The following EYS variants were observed in gnomAD, a reference collection of about 807,000 sequenced individuals.
The protein encoded by EYS is protein eyes shut homolog.
EYS carries 250 observed loss-of-function variants against 282.1 expected under a neutral mutation model. The observed-to-expected ratio is 0.89, with a 90% CI of 0.80 to 0.98. The LOEUF is 0.98. Ranked by LOEUF, EYS falls within the 50% of genes least tolerant of loss-of-function variation. The probability of loss-of-function intolerance (pLI) is 0.00; values close to 1 mark genes in which losing one functional copy is unlikely to be tolerated. For missense variants in EYS, 4,016 were observed against 3,709.0 expected (o/e 1.08, Z -2.15); for synonymous variants, 1,355 against 1,282.9 (o/e 1.06, Z -1.20).
intron 22 of EYS, among the ~76,000 whole-genome samples, chr6:64,683,576 G>A (rs1235724288): frequency 6.6e-6 from 1 of 152,114 alleles, no homozygotes; most frequent in Non-Finnish European, 1.5e-5. Context: ...GAGAGAACAA[G>A]TTTGAAAATA....
rs920207792 is a variant in EYS, at chr6:64,373,193, T to C, written c.6078+15497A>G. Among the ~76,000 whole-genome samples, 7 of 152,350 alleles carry C rather than the reference T, an allele frequency of 4.6e-5. No homozygotes were observed. The East Asian group carries it at 1.2e-3, about 25-fold the overall frequency. On this transcript the variant is annotated intron_variant, in intron 29 of 42. Transcript: ENST00000503581. ...GTTTTTTCCTTATTTGTGGGGATTATGTTCTTTCAATCTTTGAAGTTGCTG... is the reference window on the plus strand; with the variant it reads ...GTTTTTTCCTTATTTGTGGGGATTACGTTCTTTCAATCTTTGAAGTTGCTG...
chr6:63,728,196 G>T (rs1768690502), intron 41 of EYS, among the ~76,000 whole-genome samples: 2 of 151,812 alleles, frequency 1.3e-5, no homozygotes, highest in Admixed American at 6.6e-5. Flanking sequence ...TTAATCCCAA[G>T]AATTACTGTT....
intron 7 of EYS, among the ~76,000 whole-genome samples, chr6:65,386,499 C>A (rs1330194300): frequency 6.6e-6 from 1 of 151,846 alleles, no homozygotes; most frequent in African/African-American, 2.4e-5. Flanking sequence ...ATCTAAGAAG[C>A]ACTTCCAAGT....
intron 35 of EYS, among the ~76,000 whole-genome samples, chr6:63,916,876 T>TGAA (rs1764436419): frequency 1.3e-5 from 2 of 152,308 alleles, no homozygotes; most frequent in South Asian, 4.1e-4. Flanking sequence ...AAACATGCAG[T>TGAA]GACAGTAAAG....
At chr6:65,520,989 G>A (rs962802413) in intron 2 of EYS, among the ~76,000 whole-genome samples, 1 of 152,080 alleles carries the variant, frequency 6.6e-6, no homozygotes, top group African/African-American at 2.4e-5. Flanking sequence ...TATGACTGCT[G>A]ATGGACTAGG....
chr6:64,545,474 C>A (rs1156577200), intron 26 of EYS, among the ~76,000 whole-genome samples: 1 of 152,114 alleles, frequency 6.6e-6, no homozygotes, highest in Non-Finnish European at 1.5e-5. Context: ...ACAGGGATGC[C>A]CTCTCTAACC....
At chr6:64,391,346 A>C (rs1331252435) in intron 28 of EYS, among the ~76,000 whole-genome samples, 1 of 152,158 alleles carries the variant, frequency 6.6e-6, no homozygotes. Flanking sequence ...AGTTGAAATA[A>C]AGGAAAAAAT....
At chr6:63,788,344 G>A in intron 38 of EYS, 95 bp from the exon 39 acceptor site, 2 of 1,038,968 alleles carry the variant, frequency 1.9e-6, no homozygotes, top group Non-Finnish European at 2.8e-6. Flanking sequence ...AACTTGGCAT[G>A]AAAAATTTAC....
chr6:64,445,903 T>G (rs776876202), intron 26 of EYS, among the ~76,000 whole-genome samples: 6 of 152,110 alleles, frequency 3.9e-5, no homozygotes, highest in Non-Finnish European at 5.9e-5. Flanking sequence ...TGGGCAAAAC[T>G]GGTATTCTGT....
chr6:64,808,845 G>A (rs1764512522), intron 22 of EYS, among the ~76,000 whole-genome samples: 1 of 152,014 alleles, frequency 6.6e-6, no homozygotes, highest in East Asian at 1.9e-4. Context: ...ATGTTTTCAT[G>A]AGAAAAATCA....
chr6:65,313,305 C>A (rs1387237240), intron 11 of EYS, among the ~76,000 whole-genome samples: 1 of 151,618 alleles, frequency 6.6e-6, no homozygotes, highest in Non-Finnish European at 1.5e-5. Flanking sequence ...TAGTTTATAT[C>A]TGGGAAATAA....
chr6:65,072,934 G>T (rs1050173584), intron 12 of EYS, among the ~76,000 whole-genome samples: 1 of 151,064 alleles, frequency 6.6e-6, no homozygotes, highest in African/African-American at 2.4e-5. Context: ...TGGAAAAGAA[G>T]CAAAAGAAAG....
intron 19 of EYS, among the ~76,000 whole-genome samples, chr6:64,839,184 G>C (rs1185045663): frequency 6.6e-6 from 1 of 151,856 alleles, no homozygotes; most frequent in Admixed American, 6.6e-5. Flanking sequence ...ATTAATTTTT[G>C]CTTGAGCAGT....
chr6:65,369,301 TGTATA>T (rs201936299), intron 8 of EYS, among the ~76,000 whole-genome samples: 27,835 of 112,564 alleles, frequency 0.25, 3,347 homozygotes, highest in Non-Finnish European at 0.34. Context: ...TATATATTTA[TGTATA>T]ATATATATAT....
rs1767922594 is a variant in EYS, at chr6:65,659,094, AT to A, written c.-447-19203del. Reference sequence around the variant, plus strand: ...ATTTAAATCTCTCTTGATTTATTTAATTTATAGCCTTACATATCAATATCCT... The same window carrying A: ...ATTTAAATCTCTCTTGATTTATTTAATTATAGCCTTACATATCAATATCCT... On this transcript the variant is annotated intron_variant, in intron 1 of 42. Coordinates refer to ENST00000503581, the MANE Select transcript of EYS (RefSeq NM_001142800.2). 2.0e-5 allele frequency among the ~76,000 whole-genome samples: 3 copies of A among 151,552 alleles called. No homozygotes were observed. The South Asian group carries it at 6.2e-4, about 31-fold the overall frequency.
intron 12 of EYS, among the ~76,000 whole-genome samples, chr6:65,106,184 A>G (rs1332176824): frequency 6.6e-6 from 1 of 151,996 alleles, no homozygotes; most frequent in Non-Finnish European, 1.5e-5. Flanking sequence ...ACTTCAAAAA[A>G]TCTTGGGCTT....
At chr6:63,878,380 G>A (rs999225255) in intron 35 of EYS, among the ~76,000 whole-genome samples, 2 of 152,034 alleles carry the variant, frequency 1.3e-5, no homozygotes, top group African/African-American at 4.8e-5. Flanking sequence ...GGTGTCAGTC[G>A]GCCCTTACTG....
intron 31 of EYS, among the ~76,000 whole-genome samples, chr6:64,092,835 A>G (rs1268153917): frequency 6.6e-6 from 1 of 151,704 alleles, no homozygotes; most frequent in Admixed American, 6.6e-5. Flanking sequence ...GCCCATGCCT[A>G]TGTCCTGAAT....
intron 2 of EYS, among the ~76,000 whole-genome samples, chr6:65,516,165 A>G (rs963263629): frequency 5.3e-5 from 8 of 152,102 alleles, no homozygotes; most frequent in African/African-American, 1.9e-4. Context: ...ATATTAAAAT[A>G]ATTCTGGCAC....
Sources: gnomAD v4.1 joint callset for allele counts (sites outside exome capture counted in the v4.1 genomes callset) on GRCh38, gnomAD v4.1.1 for gene constraint, MANE v1.5 for transcripts, NCBI Gene and HGNC (gene_info 2026-07-23, HGNC 2026-07-21) for gene names.